Variants in MYO6 observed in about 807,000 individuals in gnomAD.
MYO6 encodes unconventional myosin-VI.
MYO6 carries 74 observed loss-of-function variants against 178.7 expected under a neutral mutation model. The observed-to-expected ratio is 0.41, with a 90% CI of 0.34 to 0.50. The LOEUF (loss-of-function observed/expected upper bound fraction) is 0.50, where lower values mean the gene tolerates loss of function less well. Among genes scored for constraint, MYO6 ranks in the 20% least tolerant of loss-of-function variants. The pLI, the probability that MYO6 is intolerant of heterozygous loss-of-function variation, is 0.09. For missense variants in MYO6, 1,330 were observed against 1,547.4 expected (o/e 0.86, Z 2.36); for synonymous variants, 477 against 504.6 (o/e 0.95, Z 0.73).
At position 75,753,461 on chromosome 6, in the gene MYO6, A is replaced by G. The variant is rs759852995; in HGVS notation, c.-48+4038A>G. 7.3e-4 allele frequency among the ~76,000 whole-genome samples: 109 copies of G among 148,400 alleles called. 1 individual carries two copies. The highest frequency in any genetic ancestry group is 6.4e-3 in the East Asian group (33 of 5,130). ...TATATATGTGTGTGTGTGTGTATAT[A>G]TATATATATATATATATATGTTTTT... On this transcript the variant is annotated intron_variant, in intron 1 of 34. Coordinates refer to ENST00000369977, the MANE Select transcript of MYO6 (RefSeq NM_004999.4).
intron 30 of MYO6, among the ~76,000 whole-genome samples, chr6:75,901,893 C>T (rs1215468042): frequency 2.0e-5 from 3 of 152,034 alleles, no homozygotes; most frequent in African/African-American, 7.3e-5. Flanking sequence ...TTTTCAAATA[C>T]GTCCCATCAA....
intron 1 of MYO6, among the ~76,000 whole-genome samples, chr6:75,794,753 A>T (rs1444722394): frequency 6.8e-6 from 1 of 147,994 alleles, no homozygotes; most frequent in Non-Finnish European, 1.5e-5. Flanking sequence ...AAAAAATAAA[A>T]AAAAAAATAA....
intron 1 of MYO6, among the ~76,000 whole-genome samples, chr6:75,778,596 C>CAAA (rs760998259): frequency 5.4e-5 from 6 of 110,680 alleles, no homozygotes; most frequent in African/African-American, 1.7e-4. Flanking sequence ...GACTCCGTCT[C>CAAA]AAAAAAAAAA....
intron 30 of MYO6, among the ~76,000 whole-genome samples, chr6:75,901,637 G>A (rs1190787956): frequency 1.3e-5 from 2 of 152,066 alleles, no homozygotes; most frequent in Admixed American, 1.3e-4. Flanking sequence ...GAGACAATGG[G>A]GTTTTCTAGA....
Position 75,812,847 on chromosome 6 carries a change from T to C in MYO6, c.-47-4654T>C, listed in dbSNP as rs138812931. ...ACCATGTTGTCTTTATCCATTCTTC[T>C]GTTCATGGGCACTTGGGTTGCTTCC... On this transcript the variant is annotated intron_variant, in intron 1 of 34. Transcript: ENST00000369977. Among the ~76,000 whole-genome samples, 6 of 152,334 alleles carry C rather than the reference T, an allele frequency of 3.9e-5. No homozygotes were observed. The East Asian group carries it at 1.2e-3, about 29-fold the overall frequency.
chr6:75,815,651 G>A (rs965613993), intron 1 of MYO6, among the ~76,000 whole-genome samples: 3 of 152,220 alleles, frequency 2.0e-5, no homozygotes, highest in Non-Finnish European at 4.4e-5. Flanking sequence ...GATAGGGAAA[G>A]CAACTCACTT....
chr6:75,913,984 T>C, intron 33 of MYO6, 79 bp from the exon 34 acceptor site: 2 of 1,252,682 alleles, frequency 1.6e-6, no homozygotes, highest in East Asian at 2.3e-5. Flanking sequence ...TAAAAAATTA[T>C]TGGGGTATAT....
intron 33 of MYO6, 141 bp from the exon 34 acceptor site, chr6:75,913,922 A>G: frequency 1.5e-6 from 1 of 682,304 alleles, no homozygotes; most frequent in Non-Finnish European, 2.4e-6. Context: ...TTTGTAGGCA[A>G]TAAATATTTT....
chr6:75,779,888 C>G (rs1428829394), intron 1 of MYO6, among the ~76,000 whole-genome samples: 2 of 152,158 alleles, frequency 1.3e-5, no homozygotes, highest in African/African-American at 4.8e-5. Flanking sequence ...TCTCTAGATT[C>G]AAGTTTCCTT....
chr6:75,882,039 A>G (rs535895359), intron 23 of MYO6, among the ~76,000 whole-genome samples: 9 of 152,132 alleles, frequency 5.9e-5, no homozygotes, highest in Non-Finnish European at 1.2e-4. Context: ...TCAGTTTCAT[A>G]GTGTCCTAAC....
chr6:75,911,308 C>T (rs770252943), intron 32 of MYO6, among the ~76,000 whole-genome samples: 1 of 151,852 alleles, frequency 6.6e-6, no homozygotes, highest in African/African-American at 2.4e-5. Context: ...GATGAATTCT[C>T]ATTATTTTCT....
At chr6:75,862,970 A>G (rs771226647) in intron 16 of MYO6, among the ~76,000 whole-genome samples, 19 of 152,156 alleles carry the variant, frequency 1.2e-4, no homozygotes, top group Admixed American at 6.6e-5. Flanking sequence ...ATGTGCCTGT[A>G]GTCTGAGATA....
chr6:75,835,398 C>T (rs1333741259), intron 6 of MYO6, among the ~76,000 whole-genome samples: 1 of 152,056 alleles, frequency 6.6e-6, no homozygotes, highest in Non-Finnish European at 1.5e-5. Context: ...TGAATGATCT[C>T]ATCATTGAGG....
chr6:75,913,504 A>G (rs1332012469), intron 33 of MYO6, among the ~76,000 whole-genome samples: 1 of 152,172 alleles, frequency 6.6e-6, no homozygotes, highest in Non-Finnish European at 1.5e-5. Flanking sequence ...TGTTGTTAAT[A>G]TCTATGTCAT....
At chr6:75,771,074 T>C (rs1171625165) in intron 1 of MYO6, among the ~76,000 whole-genome samples, 1 of 151,622 alleles carries the variant, frequency 6.6e-6, no homozygotes, top group African/African-American at 2.4e-5. Flanking sequence ...GCAAACACAG[T>C]TCATTGCAGC....
Position 75,907,623 on chromosome 6 carries a change from C to T in MYO6, c.3195C>T (p.Ala1065=), listed in dbSNP as rs1273168089. ...ATTACAGAGGTCCTGCTGTACTAGCCACCAAAGCAGCTGCTGGTACTAAGA... is the reference window on the plus strand; with the variant it reads ...ATTACAGAGGTCCTGCTGTACTAGCTACCAAAGCAGCTGCTGGTACTAAGA... ...EFLSRGPAVL[A]TKAAAGTKKY... The change falls in exon 31 of 35, where the codon GCC becomes GCT. Residue 1065 remains alanine, a synonymous_variant. Transcript: ENST00000369977. 3 of 1,613,202 alleles carry T rather than the reference C, an allele frequency of 1.9e-6. No individual in the cohort carries two copies. In the African/African-American group the frequency reaches 4.0e-5, roughly 22 times the overall value.
intron 1 of MYO6, among the ~76,000 whole-genome samples, chr6:75,752,085 T>TG (rs1362687839): frequency 1.4e-4 from 21 of 152,092 alleles, no homozygotes; most frequent in African/African-American, 5.1e-4. Context: ...CTCCGTCTCC[T>TG]GGGTTCAAGT....
At chr6:75,860,572 A>G (rs1358943710) in intron 14 of MYO6, among the ~76,000 whole-genome samples, 2 of 152,240 alleles carry the variant, frequency 1.3e-5, no homozygotes, top group African/African-American at 4.8e-5. Context: ...CTAGAATGTC[A>G]GAAATCTTTT....
intron 34 of MYO6, 105 bp downstream of exon 34, chr6:75,914,386 G>A: frequency 8.6e-7 from 1 of 1,164,832 alleles, no homozygotes; most frequent in Non-Finnish European, 1.2e-6. Context: ...ACATTTCAGG[G>A]TTGAGGGATG....
Sources: gnomAD v4.1 joint callset for allele counts (sites outside exome capture counted in the v4.1 genomes callset) on GRCh38, gnomAD v4.1.1 for gene constraint, MANE v1.5 for transcripts, NCBI Gene and HGNC (gene_info 2026-07-23, HGNC 2026-07-21) for gene names.